Variants in SNX6 observed in about 807,000 individuals in gnomAD.
The protein encoded by SNX6 is sorting nexin-6.
In SNX6, 34 loss-of-function variants were observed where a neutral mutation model predicts 63.0. The observed-to-expected ratio is 0.54, with a 90% CI of 0.41 to 0.72. SNX6 has a LOEUF of 0.72. Among genes scored for constraint, SNX6 ranks in the 30% least tolerant of loss-of-function variants. The probability of loss-of-function intolerance (pLI) is 0.00; values close to 1 mark genes in which losing one functional copy is unlikely to be tolerated. For synonymous variants in SNX6, 170 were observed against 164.2 expected (o/e 1.04, Z -0.27); for missense variants, 398 against 471.4 (o/e 0.84, Z 1.44).
chr14:34,574,715 T>C (rs1372008262), intron 11 of SNX6, among the ~76,000 whole-genome samples: 1 of 150,872 alleles, frequency 6.6e-6, no homozygotes. Flanking sequence ...TGAAGAAATA[T>C]ACCAAATTCA....
intron 7 of SNX6, among the ~76,000 whole-genome samples, chr14:34,597,311 G>A (rs1260914099): frequency 6.6e-6 from 1 of 152,202 alleles, no homozygotes; most frequent in Non-Finnish European, 1.5e-5. Flanking sequence ...CTGATGTGAA[G>A]GGAAGGGGTG....
chr14:34,608,236 C>CG, intron 3 of SNX6, 96 bp from the exon 4 acceptor site: 1 of 597,906 alleles, frequency 1.7e-6, no homozygotes, highest in South Asian at 2.0e-5. Flanking sequence ...GGAGTGCAGT[C>CG]GAACAATCTC....
chr14:34,568,328 T>G (rs569420011), intron 11 of SNX6, among the ~76,000 whole-genome samples: 1 of 151,788 alleles, frequency 6.6e-6, no homozygotes, highest in African/African-American at 2.4e-5. Context: ...CCTCGCAGAT[T>G]CAAGCAATTC....
At chr14:34,580,826 T>TAAACA (rs1881905659) in intron 10 of SNX6, among the ~76,000 whole-genome samples, 2 of 151,948 alleles carry the variant, frequency 1.3e-5, no homozygotes, top group African/African-American at 4.8e-5. Flanking sequence ...AGCTAATTTT[T>TAAACA]AAACGTTTTG....
At chr14:34,602,142 T>G (rs1330549397) in intron 6 of SNX6, among the ~76,000 whole-genome samples, 7 of 150,310 alleles carry the variant, frequency 4.7e-5, no homozygotes, top group Non-Finnish European at 8.9e-5. Flanking sequence ...ATACAAAAAT[T>G]AGGCCGGGCG....
intron 5 of SNX6, 134 bp downstream of exon 5, chr14:34,605,462 T>C: frequency 4.4e-6 from 3 of 687,012 alleles, no homozygotes; most frequent in Non-Finnish European, 7.0e-6. Flanking sequence ...GTTGTATGAC[T>C]TAAACCTGCA....
At chr14:34,588,775 T>G (rs1269291243) in intron 8 of SNX6, among the ~76,000 whole-genome samples, 1 of 152,116 alleles carries the variant, frequency 6.6e-6, no homozygotes, top group Non-Finnish European at 1.5e-5. Flanking sequence ...ACAATCCCAA[T>G]CAAAATCCCA....
At chr14:34,583,734 G>A (rs1019523679) in intron 9 of SNX6, among the ~76,000 whole-genome samples, 1 of 151,958 alleles carries the variant, frequency 6.6e-6, no homozygotes, top group African/African-American at 2.4e-5. Context: ...ACAATTTTAC[G>A]AACTTTGCTT....
chr14:34,593,211 A>G, intron 7 of SNX6, 61 bp from the exon 8 acceptor site: 1 of 948,634 alleles, frequency 1.1e-6, no homozygotes, highest in Non-Finnish European at 1.6e-6. Context: ...TTATATGTAA[A>G]TAACTATCAT....
chr14:34,587,358 C>T (rs559658260), intron 8 of SNX6, among the ~76,000 whole-genome samples: 2 of 151,500 alleles, frequency 1.3e-5, no homozygotes, highest in South Asian at 2.1e-4. Flanking sequence ...CGGTGAAACC[C>T]CATCTCTACT....
At position 34,612,190 on chromosome 14, in the gene SNX6, C is replaced by T. The variant is rs576292116; in HGVS notation, c.55-2448G>A. The stretch of plus-strand genomic sequence containing the variant: ...TCCCGAGCTCAGGCAATCCTTTCAC[C>T]TTGGCCTCCCAAAGTGCTGGGATTA... On this transcript the variant is annotated intron_variant, in intron 2 of 13. Transcript: ENST00000362031. Among the ~76,000 whole-genome samples the T allele has an allele frequency of 1.2e-4, 19 of 152,290 alleles. No individual in the cohort carries two copies. The East Asian group carries it at 3.5e-3, about 28-fold the overall frequency.
intron 11 of SNX6, among the ~76,000 whole-genome samples, chr14:34,569,483 G>A (rs1425882507): frequency 4.0e-5 from 6 of 151,634 alleles, no homozygotes; most frequent in Admixed American, 3.3e-4. Flanking sequence ...GCTGGAGTGC[G>A]GTGGTGTGAA....
Position 34,582,759 on chromosome 14 carries a change from T to G in SNX6, c.795-1159A>C, listed in dbSNP as rs991930887. Among the ~76,000 whole-genome samples the G allele has an allele frequency of 3.4e-4, 51 of 151,652 alleles. No homozygotes were observed. In the South Asian group the frequency reaches 0.01, roughly 30 times the overall value. ...GGTTTCGCCATGTTGGCCAGGCTGG[T>G]CTCAAACTCCTGGCCTCAAGTGATC... On this transcript the variant is annotated intron_variant, in intron 9 of 13. Coordinates refer to ENST00000362031, the MANE Select transcript of SNX6 (RefSeq NM_152233.4).
rs1283528366 is a variant in SNX6, at chr14:34,567,774, G to A, written c.1082-3C>T. On this transcript the variant is annotated splice_polypyrimidine_tract_variant and splice_region_variant and intron_variant, in intron 12 of 13. Coordinates refer to ENST00000362031, the MANE Select transcript of SNX6 (RefSeq NM_152233.4). The stretch of plus-strand genomic sequence containing the variant: ...TCTTGTCTTAAAATCTATAAGTTCT[G>A]TGAAAAAGAAATTAGGATTATTTAA... 6.2e-7 allele frequency: 1 copy of A among 1,612,952 alleles called. No individual in the cohort carries two copies. The highest frequency in any genetic ancestry group is 1.7e-5 in the Admixed American group (1 of 59,946).
chr14:34,596,001 C>T (rs1200921094), intron 7 of SNX6, among the ~76,000 whole-genome samples: 1 of 151,812 alleles, frequency 6.6e-6, no homozygotes, highest in South Asian at 2.1e-4. Flanking sequence ...GGGCGGATCA[C>T]GAGGTCAGGA....
At chr14:34,585,521 A>C (rs780737774) in intron 9 of SNX6, among the ~76,000 whole-genome samples, 3 of 152,172 alleles carry the variant, frequency 2.0e-5, no homozygotes, top group African/African-American at 4.8e-5. Context: ...CCCTGTTTCA[A>C]AACAAAAACT....
At chr14:34,571,132 C>T (rs567989370) in intron 11 of SNX6, among the ~76,000 whole-genome samples, 54 of 151,846 alleles carry the variant, frequency 3.6e-4, no homozygotes, top group African/African-American at 1.2e-3. Flanking sequence ...AGCTATCAAG[C>T]CATGAAAAGA....
At chr14:34,620,172 CT>C (rs1483817472) in intron 2 of SNX6, among the ~76,000 whole-genome samples, 3 of 152,228 alleles carry the variant, frequency 2.0e-5, no homozygotes, top group Non-Finnish European at 4.4e-5. Context: ...CTCAGCTCCT[CT>C]TTTGATTCCC....
intron 4 of SNX6, among the ~76,000 whole-genome samples, chr14:34,607,356 A>G (rs1448395852): frequency 1.3e-5 from 2 of 152,034 alleles, no homozygotes; most frequent in East Asian, 1.9e-4. Flanking sequence ...CTGTAATCCC[A>G]GAACTTTGGG....
Sources: gnomAD v4.1 joint callset for allele counts (sites outside exome capture counted in the v4.1 genomes callset) on GRCh38, gnomAD v4.1.1 for gene constraint, MANE v1.5 for transcripts, NCBI Gene and HGNC (gene_info 2026-07-23, HGNC 2026-07-21) for gene names.